The following RGS6 variants were observed in gnomAD, a reference collection of about 807,000 sequenced individuals.
RGS6 encodes regulator of G protein signaling 6.
A neutral mutation model predicts 78.5 loss-of-function variants in RGS6; 30 were observed. That is an observed-to-expected ratio of 0.38 (90% CI 0.29 to 0.52). RGS6 has a LOEUF of 0.52. Among genes scored for constraint, RGS6 ranks in the 20% least tolerant of loss-of-function variants. The pLI, the probability that RGS6 is intolerant of heterozygous loss-of-function variation, is 0.85. For synonymous variants in RGS6, 206 were observed against 206.0 expected (o/e 1.00, Z 0.00); for missense variants, 495 against 609.7 (o/e 0.81, Z 1.98).
At chr14:72,541,762 G>A in intron 17 of RGS6, 2 of 811,328 alleles carry the variant, frequency 2.5e-6, no homozygotes, top group Middle Eastern at 7.5e-4. Flanking sequence ...TCTTGAGGGT[G>A]ACCGTGCAGG....
At chr14:72,071,709 G>A (rs1451224003) in intron 2 of RGS6, among the ~76,000 whole-genome samples, 1 of 152,148 alleles carries the variant, frequency 6.6e-6, no homozygotes, top group East Asian at 1.9e-4. Flanking sequence ...AGGTACTTAT[G>A]CAATACTCTA....
intron 2 of RGS6, among the ~76,000 whole-genome samples, chr14:72,110,622 A>T (rs1301482823): frequency 6.6e-6 from 1 of 152,176 alleles, no homozygotes; most frequent in East Asian, 1.9e-4. Context: ...AGTTTCTCTT[A>T]CTTGTGCAAA....
intron 2 of RGS6, among the ~76,000 whole-genome samples, chr14:72,350,949 T>C (rs1208475577): frequency 1.3e-5 from 2 of 152,212 alleles, no homozygotes; most frequent in Non-Finnish European, 2.9e-5. Context: ...ATGATGATGA[T>C]GTTATGCCGT....
intron 2 of RGS6, among the ~76,000 whole-genome samples, chr14:72,341,030 G>C (rs992610460): frequency 6.6e-6 from 1 of 152,104 alleles, no homozygotes; most frequent in African/African-American, 2.4e-5. Context: ...CTTGGAATGG[G>C]AAAAAGGAAT....
intron 2 of RGS6, among the ~76,000 whole-genome samples, chr14:72,348,139 T>C (rs2078417536): frequency 6.7e-6 from 1 of 148,918 alleles, no homozygotes; most frequent in Non-Finnish European, 1.5e-5. Context: ...TTCCAGGAGC[T>C]GCCCCCATTA....
chr14:72,224,947 C>T (rs1329150222), intron 2 of RGS6, among the ~76,000 whole-genome samples: 6 of 152,078 alleles, frequency 3.9e-5, no homozygotes, highest in Admixed American at 2.6e-4. Flanking sequence ...CTCGAGGCCT[C>T]GACTCACACC....
At chr14:72,139,322 A>G (rs1266767304) in intron 2 of RGS6, among the ~76,000 whole-genome samples, 1 of 152,184 alleles carries the variant, frequency 6.6e-6, no homozygotes, top group Non-Finnish European at 1.5e-5. Context: ...GTCTTCTAAT[A>G]TAGGCCTTTT....
intron 2 of RGS6, among the ~76,000 whole-genome samples, chr14:72,094,230 A>G (rs1043152615): frequency 2.6e-5 from 4 of 152,366 alleles, no homozygotes; most frequent in Admixed American, 2.0e-4. Flanking sequence ...AGTAGCTCTC[A>G]TGTAGATGCT....
At chr14:72,383,636 G>A (rs1321531934) in intron 3 of RGS6, among the ~76,000 whole-genome samples, 1 of 152,116 alleles carries the variant, frequency 6.6e-6, no homozygotes, top group Non-Finnish European at 1.5e-5. Context: ...CCGTTCTTAA[G>A]TAGGATTGTG....
chr14:72,160,060 A>G (rs1340521894), intron 2 of RGS6, among the ~76,000 whole-genome samples: 1 of 152,246 alleles, frequency 6.6e-6, no homozygotes, highest in African/African-American at 2.4e-5. Context: ...GAGCACCAGT[A>G]TCTACTTAAC....
intron 2 of RGS6, among the ~76,000 whole-genome samples, chr14:72,301,525 A>G (rs770954795): frequency 6.6e-6 from 1 of 152,140 alleles, no homozygotes; most frequent in Non-Finnish European, 1.5e-5. Context: ...ATAGGAAACT[A>G]TCCTGGTCAG....
chr14:72,021,820 G>A (rs2153275346), intron 2 of RGS6, among the ~76,000 whole-genome samples: 1 of 151,760 alleles, frequency 6.6e-6, no homozygotes, highest in Non-Finnish European at 1.5e-5. Flanking sequence ...GTGAAGGTTT[G>A]CTATGTAGGT....
intron 2 of RGS6, among the ~76,000 whole-genome samples, chr14:72,192,849 T>G (rs924278559): frequency 1.3e-5 from 2 of 152,222 alleles, no homozygotes; most frequent in African/African-American, 4.8e-5. Context: ...CTGGCTTCCA[T>G]GGAGGCATTG....
At chr14:71,996,451 C>G (rs552065203) in intron 2 of RGS6, among the ~76,000 whole-genome samples, 25 of 151,896 alleles carry the variant, frequency 1.6e-4, no homozygotes, top group Admixed American at 1.6e-3. Flanking sequence ...TGAGAGAGAC[C>G]CTATGAGAAA....
chr14:72,358,043 G>A (rs1391474524), intron 3 of RGS6, among the ~76,000 whole-genome samples: 1 of 152,204 alleles, frequency 6.6e-6, no homozygotes, highest in African/African-American at 2.4e-5. Flanking sequence ...TACAGCTCGG[G>A]CCATGGCTTC....
At chr14:72,568,952 T>A (rs923855119), downstream of RGS6, among the ~76,000 whole-genome samples, 1 of 152,214 alleles carries the variant, frequency 6.6e-6, no homozygotes, top group African/African-American at 2.4e-5. Context: ...CATCACAGGA[T>A]GGCTCTGGGT....
At chr14:72,140,837 C>T (rs2096529186) in intron 2 of RGS6, among the ~76,000 whole-genome samples, 1 of 152,116 alleles carries the variant, frequency 6.6e-6, no homozygotes, top group African/African-American at 2.4e-5. Context: ...AAGCCAGGCA[C>T]AGAACTGTGA....
At chr14:72,504,341 G>A (rs892997674) in intron 13 of RGS6, among the ~76,000 whole-genome samples, 2 of 152,188 alleles carry the variant, frequency 1.3e-5, no homozygotes, top group African/African-American at 4.8e-5. Context: ...TTTACTATAA[G>A]TAGTCAGGAA....
chr14:72,617,460 A>T, the RGS6 span, among the ~76,000 whole-genome samples: 2 of 152,094 alleles, frequency 1.3e-5, no homozygotes, highest in Non-Finnish European at 2.9e-5. Flanking sequence ...GGATTCAGAC[A>T]AGCTCACCGA....
Sources: allele counts gnomAD v4.1 joint callset (sites outside exome capture counted in the v4.1 genomes callset), GRCh38; gene constraint gnomAD v4.1.1; transcripts MANE v1.5; gene names NCBI Gene and HGNC (gene_info 2026-07-23, HGNC 2026-07-21).